The following CYP2D6 variants were observed in gnomAD, a reference collection of about 807,000 sequenced individuals.
CYP2D6 encodes cytochrome P450 2D6.
CYP2D6 carries 51 observed loss-of-function variants against 43.5 expected under a neutral mutation model. That is an observed-to-expected ratio of 1.17 (90% CI 0.94 to 1.48). CYP2D6 has a LOEUF of 1.48. Ranked by LOEUF, CYP2D6 falls within the 40% of genes most tolerant of loss-of-function variation. The pLI is 0.00. For synonymous variants in CYP2D6, 346 were observed against 297.1 expected (o/e 1.16, Z -1.69); for missense variants, 698 against 688.0 (o/e 1.01, Z -0.16).
chr22:42,129,033 C>G lies in CYP2D6; in HGVS notation c.505G>C (p.Gly169Arg), dbSNP rs5030865. 7 of 1,606,104 alleles carry G rather than the reference C, an allele frequency of 4.4e-6. No individual in the cohort carries two copies. In the Admixed American group the frequency reaches 5.1e-5, roughly 12 times the overall value. The change falls in exon 3 of 9, where the codon GGA (glycine) becomes CGA (arginine). Residue 169 changes from glycine (G) to arginine (R), a missense_variant and splice_region_variant. Coordinates refer to ENST00000645361, the MANE Select transcript of CYP2D6 (RefSeq NM_000106.6). ...CLCAAFANHS[G>R]RPFRPNGLLD... ...TTGTGCCCTTCTGCCCATCACCCAC[C>G]GGAGTGGTTGGCGAAGGCGGCACAA...
At chr22:42,129,284 C>T (rs1016717883) in intron 2 of CYP2D6, 99 bp from the exon 3 acceptor site, 19 of 1,443,392 alleles carry the variant, frequency 1.3e-5, no homozygotes, top group Non-Finnish European at 1.8e-5. Context: ...TCCCGCAGTC[C>T]CTGGCTCTGT....
chr22:42,129,888 C>A lies in CYP2D6; in HGVS notation c.202G>T (p.Val68Leu). 2 of 1,585,004 alleles carry A rather than the reference C, an allele frequency of 1.3e-6. No homozygotes were observed. Among genetic ancestry groups the A allele is most frequent in the Non-Finnish European group, 1.7e-6 (2 of 1,166,852 alleles). ...FDQLRRRFGD[V>L]FSLQLAWTPV... ...GTCCAGGCCAGCTGCAGGCTGAACA[C>A]GTCCCCGAAGCGGCGCCGCAACTGC... is the stretch of plus-strand genomic sequence containing the variant. The change falls in exon 2 of 9, where the codon GTG becomes TTG. Residue 68 changes from valine (V) to leucine (L), a missense_variant. Val to Leu is a conservative substitution (Grantham distance 32). Around this residue, in one of 5 missense-constraint regions of CYP2D6, gnomAD observed 588 missense variants for 521.1 expected, o/e 1.13. Coordinates refer to ENST00000645361, the MANE Select transcript of CYP2D6 (RefSeq NM_000106.6).
rs367922258 is a variant in CYP2D6 at position 42,127,547 on chromosome 22, G to A, written c.1073C>T (p.Ala358Val). Residue 358 changes from alanine (A) to valine (V), a missense_variant, in exon 7 of 9, where the codon GCC becomes GTC. By Grantham distance (64) the Ala-to-Val change is moderately conservative. Coordinates refer to ENST00000645361, the MANE Select transcript of CYP2D6 (RefSeq NM_000106.6). ...GDQAHMPYTT[A>V]VIHEVQRFGD... ...AAAGCGCTGCACCTCATGAATCACG[G>A]CAGTGGTGTAGGGCATGTGAGCCTG... 4.0e-5 allele frequency: 65 copies of A among 1,612,052 alleles called. No individual in the cohort carries two copies. Among genetic ancestry groups the A allele is most frequent in the Non-Finnish European group, 5.4e-5 (64 of 1,178,716 alleles).
chr22:42,129,463 C>T (rs1161238414), intron 2 of CYP2D6: 4 of 728,408 alleles, frequency 5.5e-6, no homozygotes, highest in South Asian at 1.6e-5. Context: ...CGGTCCCCGC[C>T]CCCCACTTCG....
Position 42,127,961 on chromosome 22 carries a change from C to A in CYP2D6, c.866G>T (p.Ser289Ile). Residue 289 changes from serine (S) to isoleucine (I), a missense_variant, in exon 6 of 9, where the codon AGC (serine) becomes ATC (isoleucine). Physicochemically the swap from Ser to Ile is moderately radical, Grantham distance 142. Transcript: ENST00000645361. ...TATGCGCAGGTTCTCATCATTGAAG[C>A]TGCTCTCAGGGTTCCCCTTGGCCTG... ...MEKAKGNPES[S>I]FNDENLRIVV... The A allele has an allele frequency of 1.9e-6, 3 of 1,611,472 alleles. 1 individual carries two copies. The highest frequency in any genetic ancestry group is 2.5e-6 in the Non-Finnish European group (3 of 1,178,360).
At chr22:42,129,393 T>C (rs1389437583) in intron 2 of CYP2D6, 2 of 834,056 alleles carry the variant, frequency 2.4e-6, no homozygotes, top group Non-Finnish European at 4.0e-6. Flanking sequence ...TGACCGCCTT[T>C]GCACTCAGGG....
In CYP2D6 at chr22:42,130,710, G is replaced by T. The variant is rs138100349; in HGVS notation, c.82C>A (p.Arg28Ser). 6.2e-7 allele frequency: 1 copy of T among 1,603,008 alleles called. No individual in the cohort carries two copies. The highest frequency in any genetic ancestry group is 8.5e-7 in the Non-Finnish European group (1 of 1,174,404). The change falls in exon 1 of 9, where the codon CGC (arginine) becomes AGC (serine). Residue 28 changes from arginine to serine, a missense_variant. By Grantham distance (110) the Arg-to-Ser change is moderately radical. Transcript: ENST00000645361. The part of the protein sequence containing the change: ...LLVDLMHRRQ[R>S]WAARYPPGPL... The stretch of plus-strand genomic sequence containing the variant: ...CCTGGTGGGTAGCGTGCAGCCCAGC[G>T]TTGGCGCCGGTGCATCAGGTCCACC...
In CYP2D6 at chr22:42,130,730, T is replaced by A. The variant is rs1932030649; in HGVS notation, c.62A>T (p.Asp21Val). The change falls in exon 1 of 9, where the codon GAC (aspartate) becomes GTC (valine). Residue 21 changes from aspartate (D) to valine (V), a missense_variant. Transcript: ENST00000645361. Reference protein sequence around the residue: ...VIVAIFLLLVDLMHRRQRWAA... With the variant: ...VIVAIFLLLVVLMHRRQRWAA... ...CCAGCGTTGGCGCCGGTGCATCAGG[T>A]CCACCAGGAGCAGGAAGATGGCCAC... is the stretch of plus-strand genomic sequence containing the variant. 6.3e-7 allele frequency: 1 copy of A among 1,598,858 alleles called. No homozygotes were observed.
chr22:42,129,263 TC>T (rs1199651709), intron 2 of CYP2D6, 78 bp from the exon 3 acceptor site: 12 of 1,520,286 alleles, frequency 7.9e-6, no homozygotes, highest in Non-Finnish European at 9.8e-6. Flanking sequence ...AACCCTATGC[TC>T]CCCCTGGTCT....
rs781356352 is a variant in CYP2D6 at position 42,127,445 on chromosome 22, A to C, written c.1173+2T>G. The C allele has an allele frequency of 2.1e-5, 33 of 1,605,068 alleles. No individual in the cohort carries two copies. The highest frequency in any genetic ancestry group is 2.8e-5 in the Non-Finnish European group (33 of 1,172,986). ...CTGGGGTGAGGAGGGCGCCAGGCCTACCTTAGGGATGCGGAAGCCCTGTAC... is the reference window on the plus strand; with the variant it reads ...CTGGGGTGAGGAGGGCGCCAGGCCTCCCTTAGGGATGCGGAAGCCCTGTAC... On this transcript the variant is annotated splice_donor_variant, in intron 7 of 8. Transcript: ENST00000645361. LOFTEE classifies it high-confidence loss of function.
chr22:42,128,770 C>T lies in CYP2D6; in HGVS notation c.666+14G>A. 2.5e-6 allele frequency: 4 copies of T among 1,577,160 alleles called. 1 individual carries two copies. The highest frequency in any genetic ancestry group is 1.7e-6 in the Non-Finnish European group (2 of 1,156,846). On this transcript the variant is annotated intron_variant, in intron 4 of 8. Transcript: ENST00000645361. ...GCTCGCCCTGCAGAGACTCCTCGGTCTCTCGCTCCGCACCTCGCGCAGAAA... is the reference window on the plus strand; with the variant it reads ...GCTCGCCCTGCAGAGACTCCTCGGTTTCTCGCTCCGCACCTCGCGCAGAAA...
chr22:42,129,329 A>C (rs1602581702), intron 2 of CYP2D6, 144 bp from the exon 3 acceptor site: 2 of 1,137,022 alleles, frequency 1.8e-6, no homozygotes, highest in Admixed American at 2.0e-5. Flanking sequence ...TTGTGCATCC[A>C]CCTTGCTCCC....
chr22:42,129,381 C>A (rs1373570637), intron 2 of CYP2D6, 196 bp from the exon 3 acceptor site: 8 of 867,386 alleles, frequency 9.2e-6, no homozygotes, highest in African/African-American at 1.7e-5. Flanking sequence ...CTCTGCCCAC[C>A]CTGACCGCCT....
chr22:42,129,373 C>T (rs1156556785), intron 2 of CYP2D6, 188 bp from the exon 3 acceptor site: 2 of 895,962 alleles, frequency 2.2e-6, no homozygotes, highest in South Asian at 2.8e-5. Context: ...CACCTCGTCT[C>T]TGCCCACCCT....
intron 4 of CYP2D6, 21 bp downstream of exon 4, chr22:42,128,763 C>T: frequency 6.3e-7 from 1 of 1,588,502 alleles, no homozygotes. Flanking sequence ...TGCAGAGACT[C>T]CTCGGTCTCT....
At chr22:42,128,380 C>A in intron 4 of CYP2D6, 30 bp from the exon 5 acceptor site, 1 of 1,604,218 alleles carries the variant, frequency 6.2e-7, no homozygotes, top group Non-Finnish European at 8.5e-7. Flanking sequence ...GTCTCAATCC[C>A]TCCTGTGCTC....
At position 42,129,789 on chromosome 22, in the gene CYP2D6, G is replaced by A. The variant is rs369390846; in HGVS notation, c.301C>T (p.Arg101Cys). The change falls in exon 2 of 9, where the codon CGC becomes TGC. Residue 101 changes from arginine to cysteine, a missense_variant. Coordinates refer to ENST00000645361, the MANE Select transcript of CYP2D6 (RefSeq NM_000106.6). The stretch of plus-strand genomic sequence containing the variant: ...ATCTGGGTGATGGGCACAGGCGGGC[G>A]GTCGGCGGTGTCCTCGCCGTGGGTC... ...LVTHGEDTADRPPVPITQILG... is the reference protein window; with the variant it reads ...LVTHGEDTADCPPVPITQILG... The A allele has an allele frequency of 1.0e-5, 16 of 1,607,788 alleles. 2 individuals are homozygous for A. The highest frequency in any genetic ancestry group is 3.3e-5 in the Admixed American group (2 of 59,796).
In CYP2D6 at chr22:42,129,459, C is replaced by T. The variant is rs1602582561; in HGVS notation, c.353-274G>A. The T allele has an allele frequency of 2.7e-6, 2 of 730,782 alleles. No homozygotes were observed. The highest frequency in any genetic ancestry group is 4.8e-6 in the Non-Finnish European group (2 of 419,752). The allele number at this position is 730,782 out of a possible 1,614,324, so 45.3% of individuals were successfully genotyped here. On this transcript the variant is annotated intron_variant, in intron 2 of 8. Transcript: ENST00000645361. ...TGAGCTTACAGCACAGGTGCGGTCC[C>T]CGCCCCCCACTTCGACACCGGATTC...
chr22:42,130,710 G>A lies in CYP2D6; in HGVS notation c.82C>T (p.Arg28Cys), dbSNP rs138100349. The A allele has an allele frequency of 2.4e-3, 3,787 of 1,602,994 alleles. 159 individuals are homozygous for A. Among genetic ancestry groups the A allele is most frequent in the Non-Finnish European group, 2.7e-3 (3,172 of 1,174,398 alleles). Residue 28 changes from arginine (R) to cysteine (C), a missense_variant, in exon 1 of 9, where the codon CGC becomes TGC. Arg to Cys is a radical substitution (Grantham distance 180). Coordinates refer to ENST00000645361, the MANE Select transcript of CYP2D6 (RefSeq NM_000106.6). ...LLVDLMHRRQ[R>C]WAARYPPGPL... ...CCTGGTGGGTAGCGTGCAGCCCAGC[G>A]TTGGCGCCGGTGCATCAGGTCCACC...
Sources: gnomAD v4.1 joint callset for allele counts on GRCh38, gnomAD v4.1.1 for gene constraint, gnomAD v4.1.1 regional missense constraint, MANE v1.5 for transcripts, NCBI Gene and HGNC (gene_info 2026-07-23, HGNC 2026-07-21) for gene names.